Variants in CECR2 observed in about 807,000 individuals in gnomAD.
CECR2 encodes the protein CECR2 histone acetyl-lysine reader.
Under a neutral mutation model 154.5 loss-of-function variants are expected in CECR2, and 30 were observed. The ratio of observed to expected loss-of-function variants is 0.19; its 90% CI spans 0.15 to 0.26. The LOEUF (loss-of-function observed/expected upper bound fraction) is 0.26. Among genes scored for constraint, CECR2 ranks in the 10% least tolerant of loss-of-function variants. The pLI, the probability that CECR2 is intolerant of heterozygous loss-of-function variation, is 1.00. For missense variants in CECR2, 1,743 were observed against 1,829.3 expected, an observed-to-expected ratio of 0.95 and a Z score of 0.86; for synonymous variants, 725 against 683.7, an observed-to-expected ratio of 1.06 and a Z score of -0.94.
rs35754406 is a variant in CECR2 at position 17,546,485 on chromosome 22, C to CAAAA, written c.2861-1644_2861-1641dup. On this transcript the variant is annotated intron_variant, in intron 16 of 18. Transcript: ENST00000262608. ...TGGGCGACAGAGCGAGACTCTGTCT[C>CAAAA]AAAAAAAAAAAAAAAAAAAAAATCC... Among the ~76,000 whole-genome samples, 178 of 67,576 alleles carry CAAAA rather than the reference C, an allele frequency of 2.6e-3. 1 individual carries two copies. Among genetic ancestry groups the CAAAA allele is most frequent in the African/African-American group, 7.0e-3 (134 of 19,238 alleles). The allele number at this position is 67,576 out of a possible 152,430, so 44.3% of individuals were successfully genotyped here.
chr22:17,550,122 A>G (rs1326963499), intron 17 of CECR2: 1 of 151,214 alleles, frequency 6.6e-6, no homozygotes, highest in Non-Finnish European at 1.5e-5. Flanking sequence ...TTAGATTTTG[A>G]TATTGTAAAC....
At chr22:17,524,553 C>T (rs1320707150) in intron 9 of CECR2, among the ~76,000 whole-genome samples, 4 of 136,712 alleles carry the variant, frequency 2.9e-5, no homozygotes, top group South Asian at 2.4e-4. Flanking sequence ...CCACCACGCC[C>T]GGCTAATTTT....
At position 17,402,296 on chromosome 22, in the gene CECR2, T is replaced by TATTTATTTTAAAATATTTA. The variant is rs559932496; in HGVS notation, c.126+32387_126+32388insATTTATTTTAAAATATTTA. Among the ~76,000 whole-genome samples the TATTTATTTTAAAATATTTA allele has an allele frequency of 1.3e-3, 193 of 152,328 alleles. No homozygotes were observed. The East Asian group carries it at 0.03, about 24-fold the overall frequency. On this transcript the variant is annotated intron_variant, in intron 1 of 18. Transcript: ENST00000262608. ...CACTGTGCCTGGCCAACATTTTAAC[T>TATTTATTTTAAAATATTTA]TTTTAAAAAAATAAATTTACTTTAG...
intron 2 of CECR2, among the ~76,000 whole-genome samples, chr22:17,481,493 G>A (rs1334160843): frequency 1.1e-4 from 16 of 152,104 alleles, no homozygotes; most frequent in Admixed American, 9.2e-4. Flanking sequence ...ACTATGCCTA[G>A]TTCCTCCAAA....
Position 17,538,997 on chromosome 22 carries a change from C to A in CECR2, c.1373C>A (p.Pro458His). Reference protein sequence around the residue: ...APNYYQIIKAPMDISSMEKKL... With the variant: ...APNYYQIIKAHMDISSMEKKL... ...AGAGTTATGTGTCTCGTTTAGGCCC[C>A]CATGGATATTTCCAGCATGGAGAAG... is the stretch of plus-strand genomic sequence containing the variant. The change falls in exon 13 of 19, where the codon CCC becomes CAC. Residue 458 changes from proline (P) to histidine (H), a missense_variant. Coordinates refer to ENST00000262608, the MANE Select transcript of CECR2 (RefSeq NM_001290047.2). 2 of 1,613,382 alleles carry A rather than the reference C, an allele frequency of 1.2e-6. No individual in the cohort carries two copies. The highest frequency in any genetic ancestry group is 2.2e-5 in the South Asian group (2 of 90,978).
intron 1 of CECR2, among the ~76,000 whole-genome samples, chr22:17,390,799 T>G (rs949631747): frequency 6.6e-6 from 1 of 151,192 alleles, no homozygotes; most frequent in African/African-American, 2.5e-5. Context: ...TTTTAATATC[T>G]GATAAAAATA....
At chr22:17,428,798 T>TTGTGTGTGTGTGTGTGTGTGTGTG (rs60474818) in intron 1 of CECR2, among the ~76,000 whole-genome samples, 109 of 136,412 alleles carry the variant, frequency 8.0e-4, no homozygotes, top group Middle Eastern at 3.6e-3. Context: ...ATGTTTTTAT[T>TTGTGTGTGTGTGTGTGTGTGTGTG]TGTGTGTGTG....
chr22:17,485,798 A>C (rs1053347188), intron 2 of CECR2, among the ~76,000 whole-genome samples: 1 of 152,194 alleles, frequency 6.6e-6, no homozygotes, highest in African/African-American at 2.4e-5. Flanking sequence ...AAAGTATTGA[A>C]GAATGAAATT....
At chr22:17,542,087 T>C (rs1027718359) in intron 15 of CECR2, 70 bp from the exon 16 acceptor site, 2 of 1,573,868 alleles carry the variant, frequency 1.3e-6, no homozygotes, top group South Asian at 1.2e-5. Flanking sequence ...TCTGTTCCCA[T>C]AGAGAAGCAT....
chr22:17,366,896 C>T (rs114450797), upstream of CECR2, among the ~76,000 whole-genome samples: 1,138 of 152,184 alleles, frequency 7.5e-3, 9 homozygotes, highest in African/African-American at 0.026. Context: ...GTAGTTGAGG[C>T]CAGAGTAGCA....
chr22:17,452,184 T>A (rs1298877432), intron 1 of CECR2, among the ~76,000 whole-genome samples: 1 of 152,230 alleles, frequency 6.6e-6, no homozygotes, highest in Non-Finnish European at 1.5e-5. Flanking sequence ...GTGATTCTCC[T>A]GTCTCAGCCT....
chr22:17,464,704 G>C (rs1306473318), intron 1 of CECR2, among the ~76,000 whole-genome samples: 2 of 151,974 alleles, frequency 1.3e-5, no homozygotes, highest in African/African-American at 4.8e-5. Flanking sequence ...ATCTCACAAA[G>C]TTGCCAGGCT....
At chr22:17,545,010 T>C (rs976443110) in intron 16 of CECR2, among the ~76,000 whole-genome samples, 1 of 151,974 alleles carries the variant, frequency 6.6e-6, no homozygotes, top group Non-Finnish European at 1.5e-5. Flanking sequence ...TTTCTGTTCC[T>C]TGGATACATA....
chr22:17,505,092 C>T (rs1327768897), intron 7 of CECR2, 76 bp downstream of exon 7: 4 of 1,372,360 alleles, frequency 2.9e-6, no homozygotes, highest in Non-Finnish European at 4.0e-6. Context: ...TTCATGAGAC[C>T]TTCCCCATAC....
At chr22:17,419,107 C>T (rs1342423333) in intron 1 of CECR2, 1 of 154,786 alleles carries the variant, frequency 6.5e-6, no homozygotes, top group African/African-American at 2.4e-5. Context: ...TCGCCCAGCT[C>T]CATCACCAGC....
chr22:17,536,162 C>T (rs62241409), intron 9 of CECR2, among the ~76,000 whole-genome samples: 6 of 152,080 alleles, frequency 3.9e-5, no homozygotes, highest in African/African-American at 7.2e-5. Context: ...GCAGGGGAAT[C>T]GCTTGAACCC....
intron 6 of CECR2, among the ~76,000 whole-genome samples, chr22:17,504,347 C>G (rs2055795131): frequency 6.6e-6 from 1 of 151,918 alleles, no homozygotes; most frequent in Non-Finnish European, 1.5e-5. Flanking sequence ...TGCACTCCAG[C>G]CTGGACAATA....
chr22:17,510,687 C>A (rs887037718), intron 7 of CECR2, among the ~76,000 whole-genome samples: 1 of 152,126 alleles, frequency 6.6e-6, no homozygotes, highest in Non-Finnish European at 1.5e-5. Flanking sequence ...CTGCAAGCTC[C>A]GCCTGCCAGG....
chr22:17,411,997 AGT>A (rs2054074866), intron 1 of CECR2, among the ~76,000 whole-genome samples: 2 of 152,208 alleles, frequency 1.3e-5, no homozygotes, highest in Admixed American at 1.3e-4. Context: ...ATGGACTAAC[AGT>A]GCTAAGATGA....
Sources: allele counts gnomAD v4.1 joint callset (sites outside exome capture counted in the v4.1 genomes callset), GRCh38; gene constraint gnomAD v4.1.1; transcripts MANE v1.5; gene names NCBI Gene and HGNC (gene_info 2026-07-23, HGNC 2026-07-21).